The following UBR3 variants were observed in gnomAD, a reference collection of about 807,000 sequenced individuals.
UBR3 encodes the protein ubiquitin protein ligase E3 component n-recognin 3, also known as E3 ubiquitin-protein ligase UBR3.
A neutral mutation model predicts 243.2 loss-of-function variants in UBR3; 85 were observed. The observed-to-expected ratio is 0.35, with a 90% CI of 0.29 to 0.42. UBR3 has a LOEUF of 0.42. Ranked by LOEUF, UBR3 falls within the 10% of genes least tolerant of loss-of-function variation. The pLI is 1.00. For missense variants in UBR3, 1,686 were observed against 2,300.8 expected, an observed-to-expected ratio of 0.73 and a Z score of 5.47; for synonymous variants, 748 against 799.8, an observed-to-expected ratio of 0.94 and a Z score of 1.09.
rs10203316 is a variant in UBR3, at chr2:170,003,271, G to A, written c.4029+1857G>A. On this transcript the variant is annotated intron_variant, in intron 27 of 38. Transcript: ENST00000272793. Reference sequence around the variant, plus strand: ...TTTCTAAAATTTAAATCAACAATACGTGTTGTTGGCTTAAAATCTCTTGCT... The same window carrying A: ...TTTCTAAAATTTAAATCAACAATACATGTTGTTGGCTTAAAATCTCTTGCT... Among the ~76,000 whole-genome samples, 1,407 of 152,212 alleles carry A rather than the reference G, an allele frequency of 9.2e-3. 24 individuals carry two copies. The highest frequency in any genetic ancestry group is 0.032 in the African/African-American group (1,310 of 41,520).
chr2:169,927,405 C>T lies in UBR3; in HGVS notation c.2424C>T (p.Leu808=). ...GGACACACAGTTCATTGCTGGACCT[C>T]ATATCCTTTTAAAATTTTACTTTCT... ...NDRTHSSLLD[L]IPENPNPKSG... is the part of the protein sequence containing the mutation. Residue 808 remains leucine (L), a splice_region_variant and synonymous_variant, in exon 17 of 39, where the codon CTC becomes CTT. Transcript: ENST00000272793. 6.5e-7 allele frequency: 1 copy of T among 1,536,616 alleles called. No homozygotes were observed. The highest frequency in any genetic ancestry group is 8.8e-7 in the Non-Finnish European group (1 of 1,140,632).
At chr2:169,843,747 G>C (rs980947914) in intron 1 of UBR3, among the ~76,000 whole-genome samples, 13 of 152,144 alleles carry the variant, frequency 8.5e-5, no homozygotes, top group African/African-American at 3.1e-4. Flanking sequence ...TTGTACTGTA[G>C]TTTTCTTCTT....
chr2:169,884,254 C>T lies in UBR3; in HGVS notation c.1038+5680C>T, dbSNP rs781669638. On this transcript the variant is annotated intron_variant, in intron 5 of 38. Transcript: ENST00000272793. ...CACTGCAAGTTCTGCCTCCCAGGTT[C>T]ACGCCATTCTGCCTCAGCCTCCCGA... 1.2e-3 allele frequency among the ~76,000 whole-genome samples: 183 copies of T among 150,152 alleles called. 3 individuals are homozygous for T. Among genetic ancestry groups the T allele is most frequent in the Non-Finnish European group, 4.9e-4 (33 of 67,812 alleles).
In UBR3 at chr2:169,860,912, T is replaced by C. The variant is rs373043706; in HGVS notation, c.546-11324T>C. 6.6e-5 allele frequency among the ~76,000 whole-genome samples: 10 copies of C among 152,280 alleles called. No homozygotes were observed. The East Asian group carries it at 1.9e-3, about 29-fold the overall frequency. On this transcript the variant is annotated intron_variant, in intron 1 of 38. Transcript: ENST00000272793. ...AGTAGAGAAGCCGACACTGCAGCAC[T>C]CAGTCTGTGGCCACAGGCCCGAGAG...
chr2:169,928,833 G>C lies in UBR3; in HGVS notation c.2531G>C (p.Gly844Ala). 1 of 1,497,500 alleles carries C rather than the reference G, an allele frequency of 6.7e-7. No individual in the cohort carries two copies. The highest frequency in any genetic ancestry group is 9.0e-7 in the Non-Finnish European group (1 of 1,109,472). 92.8% of individuals were successfully genotyped at this position (1,497,500 alleles called of 1,614,324 possible). A position where few individuals can be genotyped will look rare whatever the true frequency, so the allele number is the denominator to read the frequency against. ...TTTAAGGCTCCTGTTTTTGAACCTG[G>C]AGGTTCTATGCAACAAGGCATGTAT... ...ADFKAPVFEP[G>A]GSMQQGMYTP... The change falls in exon 18 of 39, where the codon GGA becomes GCA. Residue 844 changes from glycine to alanine, a missense_variant. Physicochemically the swap from Gly to Ala is moderately conservative, Grantham distance 60. Around this residue, in one of 8 missense-constraint regions of UBR3, gnomAD observed 346 missense variants for 585.8 expected, o/e 0.59. Transcript: ENST00000272793.
At chr2:170,077,045 G>T (rs536282770) in intron 36 of UBR3, among the ~76,000 whole-genome samples, 4 of 152,164 alleles carry the variant, frequency 2.6e-5, no homozygotes, top group African/African-American at 9.7e-5. Context: ...AGAAGAGTCC[G>T]GAATAGCAGT....
Position 169,946,328 on chromosome 2 carries a change from G to C in UBR3, c.2846G>C (p.Cys949Ser), listed in dbSNP as rs2086792089. Residue 949 changes from cysteine (C) to serine (S), a missense_variant, in exon 21 of 39, where the codon TGC becomes TCC. By Grantham distance (112) the Cys-to-Ser change is moderately radical. Around this residue, in one of 8 missense-constraint regions of UBR3, gnomAD observed 300 missense variants for 314.4 expected, o/e 0.95. Transcript: ENST00000272793. ...CAAAATCTGTCAGAACATGTACTCT[G>C]CATGGTTTTATATCTGATTGAATTA... ...DHQNLSEHVLCMVLYLIELGL... is the reference protein window; with the variant it reads ...DHQNLSEHVLSMVLYLIELGL... 1 of 1,521,110 alleles carries C rather than the reference G, an allele frequency of 6.6e-7. No individual in the cohort carries two copies. 94.2% of individuals were successfully genotyped at this position (1,521,110 alleles called of 1,614,324 possible).
chr2:169,833,989 T>C (rs1478367346), intron 1 of UBR3, among the ~76,000 whole-genome samples: 1 of 152,166 alleles, frequency 6.6e-6, no homozygotes, highest in Non-Finnish European at 1.5e-5. Context: ...TATTTCACCA[T>C]GTTGGCCAGG....
chr2:169,985,384 A>G (rs1229749416), intron 24 of UBR3, among the ~76,000 whole-genome samples: 1 of 151,932 alleles, frequency 6.6e-6, no homozygotes, highest in Non-Finnish European at 1.5e-5. Flanking sequence ...GCCTGCCACC[A>G]TGCCTGCCCA....
At chr2:170,031,439 C>T (rs944948066) in intron 31 of UBR3, among the ~76,000 whole-genome samples, 2 of 152,084 alleles carry the variant, frequency 1.3e-5, no homozygotes, top group African/African-American at 4.8e-5. Flanking sequence ...ACGCCTTCCT[C>T]TACTCCCTAG....
intron 17 of UBR3, among the ~76,000 whole-genome samples, chr2:169,928,392 G>A (rs983136603): frequency 3.3e-5 from 5 of 151,948 alleles, no homozygotes; most frequent in African/African-American, 7.3e-5. Context: ...TTAAGGAAAA[G>A]TTATTTACAA....
chr2:169,965,685 A>G (rs557835751), intron 24 of UBR3, among the ~76,000 whole-genome samples: 72 of 152,320 alleles, frequency 4.7e-4, no homozygotes, highest in Non-Finnish European at 8.1e-4. Context: ...GATGATTCAC[A>G]TCCTGGACAG....
chr2:169,830,441 A>G (rs7598766), intron 1 of UBR3, among the ~76,000 whole-genome samples: 2 of 152,140 alleles, frequency 1.3e-5, no homozygotes, highest in African/African-American at 2.4e-5. Flanking sequence ...TAACTTATTT[A>G]TTCTTTGACT....
chr2:169,924,208 G>C, intron 13 of UBR3, 35 bp downstream of exon 13: 2 of 1,440,408 alleles, frequency 1.4e-6, no homozygotes, highest in South Asian at 2.7e-5. Context: ...TTTTGAAGTG[G>C]ATTCCTTGTT....
chr2:169,844,169 G>A (rs1426752742), intron 1 of UBR3, among the ~76,000 whole-genome samples: 1 of 151,880 alleles, frequency 6.6e-6, no homozygotes, highest in Non-Finnish European at 1.5e-5. Flanking sequence ...ACCACGCCTG[G>A]CTAATTTTTG....
At chr2:169,988,326 G>A (rs2089121429) in intron 25 of UBR3, among the ~76,000 whole-genome samples, 1 of 152,178 alleles carries the variant, frequency 6.6e-6, no homozygotes, top group South Asian at 2.1e-4. Context: ...CCCTGCTCCA[G>A]TGAAACTTAT....
intron 1 of UBR3, among the ~76,000 whole-genome samples, chr2:169,852,616 G>T (rs1351560559): frequency 6.6e-6 from 1 of 151,738 alleles, no homozygotes; most frequent in East Asian, 1.9e-4. Flanking sequence ...GCCAACGCAG[G>T]CGGATCACTT....
chr2:169,924,184 A>C lies in UBR3; in HGVS notation c.2022+11A>C. 1 of 1,526,950 alleles carries C rather than the reference A, an allele frequency of 6.5e-7. No homozygotes were observed. Among genetic ancestry groups the C allele is most frequent in the Admixed American group, 2.2e-5 (1 of 44,676 alleles). The allele number at this position is 1,526,950 out of a possible 1,614,324, so 94.6% of individuals were successfully genotyped here. A position where few individuals can be genotyped will look rare whatever the true frequency, so the allele number is the denominator to read the frequency against. On this transcript the variant is annotated intron_variant, in intron 13 of 38. Coordinates refer to ENST00000272793, the MANE Select transcript of UBR3 (RefSeq NM_172070.4). ...CCACTCCAAATTCAAGTATGTATTC[A>C]GGCATTTAAAAAGTTTTGAAGTGGA...
intron 27 of UBR3, among the ~76,000 whole-genome samples, chr2:170,003,552 TC>T (rs2089790615): frequency 6.6e-6 from 1 of 152,142 alleles, no homozygotes; most frequent in Admixed American, 6.5e-5. Context: ...AAGGCACAGT[TC>T]CTTCCCTCAA....
Sources: gnomAD v4.1 joint callset for allele counts (sites outside exome capture counted in the v4.1 genomes callset) on GRCh38, gnomAD v4.1.1 for gene constraint, gnomAD v4.1.1 regional missense constraint, MANE v1.5 for transcripts, NCBI Gene and HGNC (gene_info 2026-07-23, HGNC 2026-07-21) for gene names.